ADAMTS2: variants seen among roughly 807,000 people sequenced by gnomAD.
The protein encoded by ADAMTS2 is ADAM metallopeptidase with thrombospondin type 1 motif 2.
ADAMTS2 carries 50 observed loss-of-function variants against 123.0 expected under a neutral mutation model. That is an observed-to-expected ratio of 0.41 (90% CI 0.32 to 0.51). ADAMTS2 has a LOEUF of 0.51. Among genes scored for constraint, ADAMTS2 ranks in the 20% least tolerant of loss-of-function variants. The pLI is 0.35. For missense variants in ADAMTS2, 1,494 were observed against 1,705.2 expected (o/e 0.88, Z 2.18); for synonymous variants, 678 against 695.4 (o/e 0.98, Z 0.39).
At chr5:179,282,358 G>A (rs1581244462) in intron 2 of ADAMTS2, among the ~76,000 whole-genome samples, 1 of 152,190 alleles carries the variant, frequency 6.6e-6, no homozygotes, top group Admixed American at 6.5e-5. Flanking sequence ...TTCCATATGT[G>A]GATATCCAGG....
intron 2 of ADAMTS2, among the ~76,000 whole-genome samples, chr5:179,326,229 T>C (rs1335040112): frequency 1.3e-5 from 2 of 150,946 alleles, no homozygotes; most frequent in African/African-American, 4.9e-5. Flanking sequence ...TGTGTGTGTG[T>C]GTCCACCCCC....
intron 11 of ADAMTS2, 27 bp from the exon 12 acceptor site, chr5:179,137,971 G>T (rs776717951): frequency 1.9e-6 from 3 of 1,539,692 alleles, no homozygotes; most frequent in Non-Finnish European, 2.6e-6. Flanking sequence ...AGGCCTTGCC[G>T]CTCCGTGCCA....
intron 4 of ADAMTS2, among the ~76,000 whole-genome samples, chr5:179,183,231 TAA>T (rs1376432563): frequency 6.6e-6 from 1 of 152,214 alleles, no homozygotes; most frequent in Non-Finnish European, 1.5e-5. Context: ...CAGTTTTTCT[TAA>T]GAGAGAAGGG....
At chr5:179,287,388 G>A (rs750750046) in intron 2 of ADAMTS2, among the ~76,000 whole-genome samples, 5 of 152,180 alleles carry the variant, frequency 3.3e-5, no homozygotes, top group Admixed American at 6.5e-5. Context: ...GGTGGTGGAC[G>A]GGCCTCAGGA....
rs1757780510 is a variant in ADAMTS2, at chr5:179,341,727, A to AG, written c.534+2039_534+2040insC. On this transcript the variant is annotated intron_variant, in intron 2 of 21. Coordinates refer to ENST00000251582, the MANE Select transcript of ADAMTS2 (RefSeq NM_014244.5). ...GAGACTCCGTCTCAAAAAAAAAAAA[A>AG]AAAAAGAAAACAGAACCAATGGTGC... Among the ~76,000 whole-genome samples, 48 of 143,172 alleles carry AG rather than the reference A, an allele frequency of 3.4e-4. 3 individuals carry two copies. The South Asian group carries it at 9.9e-3, about 30-fold the overall frequency. 93.9% of individuals were successfully genotyped at this position (143,172 alleles called of 152,430 possible).
intron 3 of ADAMTS2, among the ~76,000 whole-genome samples, chr5:179,270,966 C>T (rs976836377): frequency 2.6e-5 from 4 of 152,208 alleles, no homozygotes; most frequent in African/African-American, 9.7e-5. Context: ...TAAGGCTGGA[C>T]AGGCTCACCT....
rs542530359 is a variant in ADAMTS2, at chr5:179,319,945, T to C, written c.534+23822A>G. 3.6e-4 allele frequency among the ~76,000 whole-genome samples: 55 copies of C among 152,326 alleles called. No individual in the cohort carries two copies. In the South Asian group the frequency reaches 9.7e-3, roughly 27 times the overall value. ...TCCCAGACTCCTAATGTAGGAAGAC[T>C]GCCCTGCCTGATCTCAAGGCTTGCT... On this transcript the variant is annotated intron_variant, in intron 2 of 21. Transcript: ENST00000251582.
chr5:179,301,153 GAAA>G (rs60799579), intron 2 of ADAMTS2, among the ~76,000 whole-genome samples: 6 of 122,836 alleles, frequency 4.9e-5, no homozygotes, highest in Non-Finnish European at 5.3e-5. Context: ...TGTCCCCCAG[GAAA>G]AAAAAAAAAA....
In ADAMTS2 at chr5:179,155,186, C is replaced by T. The variant is rs1184566260; in HGVS notation, c.1133-267G>A. ...ACAGCCACACTGCAGCTGGGGCCCT[C>T]TGCTTAGTCAGATGTCACCTGCTAT... On this transcript the variant is annotated intron_variant, in intron 6 of 21. Coordinates refer to ENST00000251582, the MANE Select transcript of ADAMTS2 (RefSeq NM_014244.5). The surrounding 1 kb of genome is among the most constrained non-coding windows in gnomAD (Gnocchi z 5.1). Among the ~76,000 whole-genome samples the T allele has an allele frequency of 6.6e-6, 1 of 152,240 alleles. No individual in the cohort carries two copies. The highest frequency in any genetic ancestry group is 6.5e-5 in the Admixed American group (1 of 15,284).
At position 179,128,553 on chromosome 5, in the gene ADAMTS2, T is replaced by G. The variant is rs1056957533; in HGVS notation, c.2458-435A>C. Among the ~76,000 whole-genome samples, 43 of 151,932 alleles carry G rather than the reference T, an allele frequency of 2.8e-4. No individual in the cohort carries two copies. The highest frequency in any genetic ancestry group is 3.2e-3 in the Middle Eastern group (1 of 316). ...GATTACAGGCGCCCGCCACCACGCC[T>G]GGCTAATTTTTGTATTTTTAGTAGA... On this transcript the variant is annotated intron_variant, in intron 16 of 21. Coordinates refer to ENST00000251582, the MANE Select transcript of ADAMTS2 (RefSeq NM_014244.5). This position sits in a 1 kb window ranked among gnomAD's most constrained non-coding sequence, Gnocchi z 4.9.
Position 179,197,638 on chromosome 5 carries a change from T to C in ADAMTS2, c.891+9875A>G, listed in dbSNP as rs965345355. On this transcript the variant is annotated intron_variant, in intron 4 of 21. Coordinates refer to ENST00000251582, the MANE Select transcript of ADAMTS2 (RefSeq NM_014244.5). The surrounding 1 kb of genome is among the most constrained non-coding windows in gnomAD (Gnocchi z 4.2). ...TCCCAGCTGCTTGGGAGGCTGAAGTTTGAGGCTGCAGTGAGCTATGATTGC... is the reference window on the plus strand; with the variant it reads ...TCCCAGCTGCTTGGGAGGCTGAAGTCTGAGGCTGCAGTGAGCTATGATTGC... Among the ~76,000 whole-genome samples, 6 of 152,140 alleles carry C rather than the reference T, an allele frequency of 3.9e-5. No individual in the cohort carries two copies. The South Asian group carries it at 1.0e-3, about 26-fold the overall frequency.
intron 4 of ADAMTS2, among the ~76,000 whole-genome samples, chr5:179,199,622 C>T (rs1764515364): frequency 6.6e-6 from 1 of 152,168 alleles, no homozygotes; most frequent in South Asian, 2.1e-4. Context: ...GTGTGCCCTT[C>T]CTGCTGGGGG....
chr5:179,143,242 T>C (rs1466193381), intron 10 of ADAMTS2, among the ~76,000 whole-genome samples: 1 of 152,148 alleles, frequency 6.6e-6, no homozygotes, highest in Non-Finnish European at 1.5e-5. Flanking sequence ...TGGACCAGCC[T>C]GGCCAACATG....
intron 11 of ADAMTS2, among the ~76,000 whole-genome samples, chr5:179,139,059 C>A (rs571990476): frequency 6.6e-6 from 1 of 152,176 alleles, no homozygotes; most frequent in Non-Finnish European, 1.5e-5. Context: ...CCAGACAGGC[C>A]AAAAAGGAAA....
In ADAMTS2 at chr5:179,139,975, A is replaced by G; in HGVS notation, c.1690T>C (p.Trp564Arg). 1 of 1,614,030 alleles carries G rather than the reference A, an allele frequency of 6.2e-7. No homozygotes were observed. Among genetic ancestry groups the G allele is most frequent in the Non-Finnish European group, 8.5e-7 (1 of 1,180,018 alleles). ...GAGCCAAACGGACTCCAAGCGCCCC[A>G]GCTGCCGTCCCGTTTGAGGATGTCA... ...TPDILKRDGS[W>R]GAWSPFGSCS... Residue 564 changes from tryptophan (W) to arginine (R), a missense_variant, in exon 11 of 22, where the codon TGG becomes CGG. Transcript: ENST00000251582.
intron 2 of ADAMTS2, among the ~76,000 whole-genome samples, chr5:179,286,075 ATGG>A (rs1756011073): frequency 6.6e-6 from 1 of 152,070 alleles, no homozygotes; most frequent in African/African-American, 2.4e-5. Context: ...TTAGCGGGAC[ATGG>A]TGGTGGGCGT....
chr5:179,293,906 G>A (rs1052508997), intron 2 of ADAMTS2, among the ~76,000 whole-genome samples: 1 of 152,048 alleles, frequency 6.6e-6, no homozygotes, highest in Non-Finnish European at 1.5e-5. Context: ...ACAGGTGTGA[G>A]CCACCGCACC....
chr5:179,290,834 C>T (rs1004227831), intron 2 of ADAMTS2, among the ~76,000 whole-genome samples: 1 of 152,148 alleles, frequency 6.6e-6, no homozygotes, highest in African/African-American at 2.4e-5. Flanking sequence ...GGAGCAAGTA[C>T]AGAGGCCCTG....
intron 3 of ADAMTS2, among the ~76,000 whole-genome samples, chr5:179,209,213 G>C (rs770800697): frequency 2.0e-5 from 3 of 152,158 alleles, no homozygotes; most frequent in African/African-American, 7.2e-5. Context: ...GGCCATTTCC[G>C]TTTTACAGAT....
Sources: gnomAD v4.1 joint callset for allele counts (sites outside exome capture counted in the v4.1 genomes callset) on GRCh38, gnomAD v4.1.1 for gene constraint, Gnocchi (gnomAD v3.1) non-coding constraint, MANE v1.5 for transcripts, NCBI Gene and HGNC (gene_info 2026-07-23, HGNC 2026-07-21) for gene names.